Variants in HEYL observed in about 807,000 individuals in gnomAD.
HEYL encodes the protein hairy/enhancer-of-split related with YRPW motif-like protein.
A neutral mutation model predicts 18.6 loss-of-function variants in HEYL; 12 were observed. The observed-to-expected ratio is 0.65, with a 90% CI of 0.41 to 1.05. The LOEUF (loss-of-function observed/expected upper bound fraction) is 1.05. HEYL is among the 50% of genes least tolerant of loss of function. HEYL has a pLI of 0.00. For synonymous variants in HEYL, 159 were observed against 179.6 expected (o/e 0.89, Z 0.91); for missense variants, 420 against 444.7 (o/e 0.94, Z 0.50).
Position 39,623,572 on chromosome 1 carries a change from C to T in HEYL, c.*2935G>A, listed in dbSNP as rs987299045. ...ACACTCGAGTGGGAGGCACAGTCAACCAACAAGTAAATTACACAAATGGAT... is the reference window on the plus strand; with the variant it reads ...ACACTCGAGTGGGAGGCACAGTCAATCAACAAGTAAATTACACAAATGGAT... On this transcript the variant is annotated 3_prime_UTR_variant, in exon 5 of 5. Coordinates refer to ENST00000372852, the MANE Select transcript of HEYL (RefSeq NM_014571.4). 3.9e-5 allele frequency among the ~76,000 whole-genome samples: 6 copies of T among 152,238 alleles called. No homozygotes were observed. Among genetic ancestry groups the T allele is most frequent in the Non-Finnish European group, 8.8e-5 (6 of 68,050 alleles).
intron 1 of HEYL, among the ~76,000 whole-genome samples, chr1:39,635,525 T>A (rs1004036155): frequency 6.6e-6 from 1 of 152,210 alleles, no homozygotes; most frequent in Non-Finnish European, 1.5e-5. Context: ...GTCGTATTAT[T>A]TCCCCCCTTC....
At chr1:39,630,636 C>T (rs542633704) in intron 3 of HEYL, among the ~76,000 whole-genome samples, 5 of 152,318 alleles carry the variant, frequency 3.3e-5, no homozygotes, top group African/African-American at 7.2e-5. Flanking sequence ...TGTGTCACTT[C>T]GCATTCTGCT....
At chr1:39,633,952 T>A (rs1646349882) in intron 1 of HEYL, 1 of 152,396 alleles carries the variant, frequency 6.6e-6, no homozygotes, top group Non-Finnish European at 1.5e-5. Flanking sequence ...TTCATCTGGG[T>A]GACTGCAAGA....
intron 2 of HEYL, among the ~76,000 whole-genome samples, chr1:39,631,816 G>A (rs1312487435): frequency 6.6e-6 from 1 of 152,206 alleles, no homozygotes; most frequent in Non-Finnish European, 1.5e-5. Flanking sequence ...GGTCTATAGG[G>A]GTGATATTCA....
rs558408712 is a variant in HEYL at position 39,631,655 on chromosome 1, A to G, written c.148-76T>C. The G allele has an allele frequency of 2.5e-5, 28 of 1,122,876 alleles. No individual in the cohort carries two copies. The African/African-American group carries it at 4.0e-4, about 16-fold the overall frequency. 69.6% of individuals were successfully genotyped at this position (1,122,876 alleles called of 1,614,324 possible). ...AAAGTGCCTTGATGGTCATCAACTC[A>G]TATTTACCCACACAGTATTTTTGTG... On this transcript the variant is annotated intron_variant, in intron 2 of 4. Coordinates refer to ENST00000372852, the MANE Select transcript of HEYL (RefSeq NM_014571.4).
chr1:39,631,315 A>G (rs1646331535), intron 3 of HEYL, among the ~76,000 whole-genome samples, 181 bp downstream of exon 3: 1 of 152,240 alleles, frequency 6.6e-6, no homozygotes, highest in African/African-American at 2.4e-5. Flanking sequence ...ATAGACATAA[A>G]GACACCTGAG....
rs559775469 is a variant in HEYL at position 39,626,714 on chromosome 1, G to A, written c.780C>T (p.Val260=). 1.1e-5 allele frequency: 17 copies of A among 1,503,602 alleles called. No homozygotes were observed. The highest frequency in any genetic ancestry group is 9.7e-5 in the East Asian group (4 of 41,100). The allele number at this position is 1,503,602 out of a possible 1,614,324, so 93.1% of individuals were successfully genotyped here. A position where few individuals can be genotyped will look rare whatever the true frequency, so the allele number is the denominator to read the frequency against. Residue 260 remains valine, a synonymous_variant, in exon 5 of 5, where the codon GTC becomes GTT. Coordinates refer to ENST00000372852, the MANE Select transcript of HEYL (RefSeq NM_014571.4). Reference sequence around the variant, plus strand: ...TCCTGGCAGCCCTGCTGCTGGGGGCGACAGGCACAGGGGTCGCTGGCCTCT... The same window carrying A: ...TCCTGGCAGCCCTGCTGCTGGGGGCAACAGGCACAGGGGTCGCTGGCCTCT... ...PLERPATPVP[V]APSSRAARSS... is the part of the protein sequence containing the mutation.
chr1:39,625,477 T>G lies in HEYL; in HGVS notation c.*1030A>C, dbSNP rs1258406690. The G allele has an allele frequency of 6.6e-6, 1 of 152,286 alleles. No individual in the cohort carries two copies. Among genetic ancestry groups the G allele is most frequent in the Non-Finnish European group, 1.5e-5 (1 of 68,086 alleles). The allele number at this position is 152,286 out of a possible 1,614,324, so 9.4% of individuals were successfully genotyped here. The stretch of plus-strand genomic sequence containing the variant: ...TCCTTTCTCTTGCCCCTCCTTGCAG[T>G]TATTTTTGTCCAGCCTGACAGTCCT... On this transcript the variant is annotated 3_prime_UTR_variant, in exon 5 of 5. Transcript: ENST00000372852.
Position 39,626,629 on chromosome 1 carries a change from A to T in HEYL, c.865T>A (p.Ser289Thr). 1 of 1,541,232 alleles carries T rather than the reference A, an allele frequency of 6.5e-7. No individual in the cohort carries two copies. The highest frequency in any genetic ancestry group is 8.7e-7 in the Non-Finnish European group (1 of 1,146,456). The change falls in exon 5 of 5, where the codon TCG (serine) becomes ACG (threonine). Residue 289 changes from serine to threonine, a missense_variant. Ser to Thr is a moderately conservative substitution (Grantham distance 58). Coordinates refer to ENST00000372852, the MANE Select transcript of HEYL (RefSeq NM_014571.4). ...GTGGGAACAGCCACGTAAGCAGCCG[A>T]CCCTGTAGGACCAGGGGGTGTTGGG... Reference protein sequence around the residue: ...SSPTPPGPTGSAAYVAVPTPN... With the variant: ...SSPTPPGPTGTAAYVAVPTPN...
intron 3 of HEYL, 54 bp from the exon 4 acceptor site, chr1:39,630,362 C>A (rs1341554078): frequency 7.3e-7 from 1 of 1,367,486 alleles, no homozygotes; most frequent in South Asian, 1.2e-5. Context: ...TGTAGCTGTG[C>A]GGTGTCATCA....
At chr1:39,639,126 G>A (rs1004620570) in intron 1 of HEYL, among the ~76,000 whole-genome samples, 1 of 152,100 alleles carries the variant, frequency 6.6e-6, no homozygotes, top group African/African-American at 2.4e-5. Flanking sequence ...TCCAAACTAG[G>A]GTAAAATTGG....
intron 1 of HEYL, among the ~76,000 whole-genome samples, chr1:39,638,890 C>T (rs1249381471): frequency 6.6e-6 from 1 of 152,204 alleles, no homozygotes; most frequent in African/African-American, 2.4e-5. Flanking sequence ...TATACAAGCG[C>T]AGTTTGTTCG....
At chr1:39,630,728 C>T (rs1472127475) in intron 3 of HEYL, among the ~76,000 whole-genome samples, 1 of 152,218 alleles carries the variant, frequency 6.6e-6, no homozygotes, top group Non-Finnish European at 1.5e-5. Context: ...TTCAGGGAAT[C>T]CAACTTCAGA....
rs747298126 is a variant in HEYL at position 39,626,760 on chromosome 1, G to A, written c.734C>T (p.Thr245Ile). The change falls in exon 5 of 5, where the codon ACC becomes ATC. Residue 245 changes from threonine (T) to isoleucine (I), a missense_variant. By Grantham distance (89) the Thr-to-Ile change is moderately conservative. Coordinates refer to ENST00000372852, the MANE Select transcript of HEYL (RefSeq NM_014571.4). ...CCTCTCTAGGGGGCGGGCCCTCCGG[G>A]TGGAAGATGCCCCTCGACTGGGCAG... is the stretch of plus-strand genomic sequence containing the variant. ...NVLPSRGASS[T>I]RRARPLERPA... The A allele has an allele frequency of 1.3e-6, 2 of 1,537,272 alleles. No homozygotes were observed. Among genetic ancestry groups the A allele is most frequent in the Admixed American group, 2.0e-5 (1 of 49,788 alleles).
Position 39,630,282 on chromosome 1 carries a change from C to G in HEYL, c.258G>C (p.Glu86Asp). 1.2e-6 allele frequency: 2 copies of G among 1,614,124 alleles called. No homozygotes were observed. Among genetic ancestry groups the G allele is most frequent in the Non-Finnish European group, 1.7e-6 (2 of 1,180,018 alleles). The change falls in exon 4 of 5, where the codon GAG (glutamate) becomes GAC (aspartate). Residue 86 changes from glutamate (E) to aspartate (D), a missense_variant. Glu to Asp is a conservative substitution (Grantham distance 45). Coordinates refer to ENST00000372852, the MANE Select transcript of HEYL (RefSeq NM_014571.4). The part of the protein sequence containing the change: ...KQGSSKLEKA[E>D]VLQMTVDHLK... Reference sequence around the variant, plus strand: ...AGTGATCCACCGTCATCTGCAAGACCTCGGCTTTCTCCAGCTTGGAAGAGC... The same window carrying G: ...AGTGATCCACCGTCATCTGCAAGACGTCGGCTTTCTCCAGCTTGGAAGAGC...
chr1:39,633,206 G>A, intron 1 of HEYL: 1 of 732,944 alleles, frequency 1.4e-6, no homozygotes, highest in Non-Finnish European at 1.7e-6. Flanking sequence ...CACGCGGTGC[G>A]GCCGGGGGCG....
chr1:39,639,399 C>A (rs1206854368), intron 1 of HEYL, 147 bp downstream of exon 1: 4 of 575,136 alleles, frequency 7.0e-6, no homozygotes, highest in Non-Finnish European at 8.8e-6. Context: ...CGCACACGCC[C>A]CCTACGCCGA....
intron 1 of HEYL, chr1:39,633,088 G>C: frequency 3.1e-6 from 3 of 983,604 alleles, no homozygotes; most frequent in Non-Finnish European, 3.6e-6. Context: ...TTGGGTTTCA[G>C]AGGGAGCCGC....
Position 39,630,287 on chromosome 1 carries a change from C to CT in HEYL, c.252dup (p.Ala85SerfsTer24). On this transcript the variant is annotated frameshift_variant, in exon 4 of 5. Transcript: ENST00000372852. LOFTEE classifies it high-confidence loss of function. ...TCCACCGTCATCTGCAAGACCTCGG[C>CT]TTTCTCCAGCTTGGAAGAGCCCTGC... 1 of 1,614,096 alleles carries CT rather than the reference C, an allele frequency of 6.2e-7. No homozygotes were observed. The highest frequency in any genetic ancestry group is 8.5e-7 in the Non-Finnish European group (1 of 1,179,998).
Sources: allele counts gnomAD v4.1 joint callset (sites outside exome capture counted in the v4.1 genomes callset), GRCh38; gene constraint gnomAD v4.1.1; transcripts MANE v1.5; gene names NCBI Gene and HGNC (gene_info 2026-07-23, HGNC 2026-07-21).